PDCD11: variants seen among roughly 807,000 people sequenced by gnomAD.
PDCD11 encodes the protein programmed cell death 11.
A neutral mutation model predicts 198.9 loss-of-function variants in PDCD11; 97 were observed. The ratio of observed to expected loss-of-function variants is 0.49; its 90% CI spans 0.41 to 0.58. PDCD11 has a LOEUF of 0.58. Among genes scored for constraint, PDCD11 ranks in the 20% least tolerant of loss-of-function variants. PDCD11 has a pLI of 0.00. For synonymous variants in PDCD11, 893 were observed against 918.0 expected, an observed-to-expected ratio of 0.97 and a Z score of 0.49; for missense variants, 2,102 against 2,312.7, an observed-to-expected ratio of 0.91 and a Z score of 1.87.
intron 28 of PDCD11, 122 bp downstream of exon 28, chr10:103,439,990 G>A (rs960915849): frequency 1.4e-5 from 17 of 1,220,238 alleles, no homozygotes; most frequent in Non-Finnish European, 2.0e-5. Context: ...GTGTTCAGAT[G>A]AATAAAAGGC....
At chr10:103,408,641 AG>A (rs1169683295) in intron 7 of PDCD11, among the ~76,000 whole-genome samples, 3 of 152,020 alleles carry the variant, frequency 2.0e-5, no homozygotes, top group Non-Finnish European at 4.4e-5. Context: ...TCCAGGTTCA[AG>A]TGATTCTCCT....
chr10:103,397,364 C>T (rs140405422), intron 1 of PDCD11, among the ~76,000 whole-genome samples: 18 of 152,296 alleles, frequency 1.2e-4, no homozygotes, highest in Middle Eastern at 3.4e-3. Context: ...CTCGCTTTCC[C>T]TGCTTAAGTC....
intron 12 of PDCD11, among the ~76,000 whole-genome samples, chr10:103,415,489 G>A (rs970466685): frequency 3.3e-5 from 5 of 151,452 alleles, no homozygotes. Flanking sequence ...GCCACGAACA[G>A]GACTGCCACG....
At chr10:103,436,087 G>T (rs1192578120) in intron 25 of PDCD11, among the ~76,000 whole-genome samples, 3 of 151,344 alleles carry the variant, frequency 2.0e-5, no homozygotes, top group Non-Finnish European at 4.4e-5. Flanking sequence ...GAGTGCAGTG[G>T]CACAATCTTG....
In PDCD11 at chr10:103,446,056, A is replaced by G. The variant is rs1315346400; in HGVS notation, c.*507A>G. Reference sequence around the variant, plus strand: ...CTTTAGGGGAGGCTATGAGTCTGGGACAGGAGGACAAATTCAGAGCCCAGA... The same window carrying G: ...CTTTAGGGGAGGCTATGAGTCTGGGGCAGGAGGACAAATTCAGAGCCCAGA... On this transcript the variant is annotated 3_prime_UTR_variant, in exon 36 of 36. Coordinates refer to ENST00000369797, the MANE Select transcript of PDCD11 (RefSeq NM_014976.2). The G allele has an allele frequency of 6.4e-6, 1 of 155,742 alleles. No individual in the cohort carries two copies. The highest frequency in any genetic ancestry group is 1.9e-4 in the East Asian group (1 of 5,316). The allele number at this position is 155,742 out of a possible 1,614,324, so 9.6% of individuals were successfully genotyped here.
rs763287066 is a variant in PDCD11 at position 103,416,616 on chromosome 10, C to T, written c.1644C>T (p.Phe548=). The change falls in exon 13 of 36, where the codon TTC becomes TTT. Residue 548 remains phenylalanine, a synonymous_variant. Coordinates refer to ENST00000369797, the MANE Select transcript of PDCD11 (RefSeq NM_014976.2). The part of the protein sequence containing the change: ...DAKPGLQTHG[F]IIRVKDYGCI... ...AGCCTGGTCTGCAGACACATGGCTT[C>T]ATCATCAGGGTCAAGGACTATGGCT... The T allele has an allele frequency of 2.5e-6, 4 of 1,614,104 alleles. No homozygotes were observed. Among genetic ancestry groups the T allele is most frequent in the South Asian group, 1.1e-5 (1 of 91,088 alleles).
At chr10:103,399,061 A>G (rs1369214600) in intron 2 of PDCD11, among the ~76,000 whole-genome samples, 1 of 151,324 alleles carries the variant, frequency 6.6e-6, no homozygotes, top group African/African-American at 2.4e-5. Context: ...TTGTTCTTAG[A>G]CACTCTTTGC....
chr10:103,438,171 C>G lies in PDCD11; in HGVS notation c.3902+100C>G, dbSNP rs565504099. On this transcript the variant is annotated intron_variant, in intron 26 of 35. Transcript: ENST00000369797. ...CACAGAATTTTGGGCTTCCCACCTTCTCTGCTCATCACTTTTTATCCTGAA... is the reference window on the plus strand; with the variant it reads ...CACAGAATTTTGGGCTTCCCACCTTGTCTGCTCATCACTTTTTATCCTGAA... The G allele has an allele frequency of 5.7e-6, 5 of 879,320 alleles. No individual in the cohort carries two copies. The South Asian group carries it at 6.7e-5, about 12-fold the overall frequency. 54.5% of individuals were successfully genotyped at this position (879,320 alleles called of 1,614,324 possible). A position where few individuals can be genotyped will look rare whatever the true frequency, so the allele number is the denominator to read the frequency against.
intron 20 of PDCD11, among the ~76,000 whole-genome samples, chr10:103,426,941 AAAT>A (rs2031722796): frequency 6.7e-6 from 1 of 150,054 alleles, no homozygotes; most frequent in South Asian, 2.1e-4. Flanking sequence ...AAAAAAAAAT[AAAT>A]AAATAAAAAT....
At chr10:103,443,061 CAGATAG>C in intron 32 of PDCD11, 98 bp from the exon 33 acceptor site, 5 of 1,013,262 alleles carry the variant, frequency 4.9e-6, no homozygotes, top group Non-Finnish European at 7.2e-6. Flanking sequence ...TCTGAGGACA[CAGATAG>C]AGGCTGGGAG....
At position 103,421,347 on chromosome 10, in the gene PDCD11, G is replaced by T; in HGVS notation, c.2278-1G>T. 6.2e-7 allele frequency: 1 copy of T among 1,603,276 alleles called. No homozygotes were observed. Among genetic ancestry groups the T allele is most frequent in the Non-Finnish European group, 8.5e-7 (1 of 1,174,152 alleles). On this transcript the variant is annotated splice_acceptor_variant, in intron 16 of 35. Transcript: ENST00000369797. LOFTEE classifies it high-confidence loss of function. ...CATCTCCTGCCTGTTCTTCTGTTCA[G>T]ATCATGAGTGACAAATTTGTGACCT...
At chr10:103,441,502 G>A (rs1443539021) in intron 30 of PDCD11, among the ~76,000 whole-genome samples, 4 of 152,136 alleles carry the variant, frequency 2.6e-5, no homozygotes, top group East Asian at 1.9e-4. Context: ...TGATCGGCCC[G>A]CCTCAGCTTC....
At chr10:103,414,948 A>T in intron 11 of PDCD11, 57 bp from the exon 12 acceptor site, 2 of 1,592,260 alleles carry the variant, frequency 1.3e-6, no homozygotes, top group South Asian at 1.1e-5. Flanking sequence ...TTGTTGTAAG[A>T]GGTGGGGGAA....
chr10:103,397,678 C>T (rs1289403315), intron 1 of PDCD11, among the ~76,000 whole-genome samples: 6 of 152,244 alleles, frequency 3.9e-5, no homozygotes, highest in Admixed American at 2.6e-4. Flanking sequence ...AGATGATCCA[C>T]GCGCCTCGGG....
rs946820715 is a variant in PDCD11 at position 103,445,587 on chromosome 10, C to A, written c.*38C>A. 2 of 1,573,914 alleles carry A rather than the reference C, an allele frequency of 1.3e-6. No homozygotes were observed. Among genetic ancestry groups the A allele is most frequent in the Non-Finnish European group, 1.7e-6 (2 of 1,153,996 alleles). On this transcript the variant is annotated 3_prime_UTR_variant, in exon 36 of 36. Coordinates refer to ENST00000369797, the MANE Select transcript of PDCD11 (RefSeq NM_014976.2). Reference sequence around the variant, plus strand: ...TCTGTGGGACACTGTCAACAATGGGCCAGCCCGGCCCCGCCTCGAGTGCCT... The same window carrying A: ...TCTGTGGGACACTGTCAACAATGGGACAGCCCGGCCCCGCCTCGAGTGCCT...
In PDCD11 at chr10:103,400,465, G is replaced by C; in HGVS notation, c.171G>C (p.Leu57Phe). The C allele has an allele frequency of 6.2e-7, 1 of 1,613,956 alleles. No homozygotes were observed. The highest frequency in any genetic ancestry group is 8.5e-7 in the Non-Finnish European group (1 of 1,179,936). The change falls in exon 3 of 36, where the codon TTG becomes TTC. Residue 57 changes from leucine (L) to phenylalanine (F), a missense_variant. Physicochemically the swap from Leu to Phe is conservative, Grantham distance 22. Coordinates refer to ENST00000369797, the MANE Select transcript of PDCD11 (RefSeq NM_014976.2). ...SQKGPAKTKK[L>F]KIEKRESSKS... is the part of the protein sequence containing the mutation. ...AGGGGCCAGCAAAAACAAAAAAGTT[G>C]AAAATCGAAAAGAGAGAAAGCAGCA...
At chr10:103,442,097 G>C (rs1260599097) in intron 31 of PDCD11, 116 bp from the exon 32 acceptor site, 4 of 1,548,544 alleles carry the variant, frequency 2.6e-6, no homozygotes, top group African/African-American at 1.4e-5. Flanking sequence ...GCCAGTCCCA[G>C]GCCAGGGGGT....
Position 103,396,645 on chromosome 10 carries a change from A to C in PDCD11, c.-97A>C, listed in dbSNP as rs773812457. 6.6e-6 allele frequency: 1 copy of C among 152,334 alleles called. No individual in the cohort carries two copies. Among genetic ancestry groups the C allele is most frequent in the Non-Finnish European group, 1.5e-5 (1 of 68,118 alleles). The allele number at this position is 152,334 out of a possible 1,614,324, so 9.4% of individuals were successfully genotyped here. ...CCGCCCACACTTCCGGAAGAATTGCACTGGACTGTGGGTATCCTGGTCTCC... is the reference window on the plus strand; with the variant it reads ...CCGCCCACACTTCCGGAAGAATTGCCCTGGACTGTGGGTATCCTGGTCTCC... On this transcript the variant is annotated 5_prime_UTR_variant, in exon 1 of 36. Transcript: ENST00000369797.
At chr10:103,408,265 C>T (rs543522382) in intron 7 of PDCD11, among the ~76,000 whole-genome samples, 7 of 152,072 alleles carry the variant, frequency 4.6e-5, no homozygotes, top group South Asian at 2.1e-4. Flanking sequence ...CCTGCATAGC[C>T]GGTATCCTAG....
Sources: allele counts gnomAD v4.1 joint callset (sites outside exome capture counted in the v4.1 genomes callset), GRCh38; gene constraint gnomAD v4.1.1; transcripts MANE v1.5; gene names NCBI Gene and HGNC (gene_info 2026-07-23, HGNC 2026-07-21).